Variants in PVALB observed in about 807,000 individuals in gnomAD.
PVALB encodes parvalbumin, also known as parvalbumin alpha.
A neutral mutation model predicts 10.9 loss-of-function variants in PVALB; 11 were observed. That is an observed-to-expected ratio of 1.01 (90% CI 0.63 to 1.67). The LOEUF is 1.67. Ranked by LOEUF, PVALB falls within the 40% of genes most tolerant of loss-of-function variation. The pLI is 0.00. For synonymous variants in PVALB, 57 were observed against 50.7 expected (o/e 1.12, Z -0.53); for missense variants, 131 against 136.2 (o/e 0.96, Z 0.19).
chr22:36,818,308 AC>A, upstream of PVALB: 1 of 152,420 alleles, frequency 6.6e-6, no homozygotes, highest in Non-Finnish European at 1.5e-5. Context: ...GGTGGTGGGG[AC>A]CAGGGAGAGC....
intron 3 of PVALB, among the ~76,000 whole-genome samples, chr22:36,802,229 T>G (rs542839746): frequency 6.6e-6 from 1 of 152,140 alleles, no homozygotes; most frequent in Non-Finnish European, 1.5e-5. Flanking sequence ...TTCTTCTGTA[T>G]ATCTACAATT....
intron 3 of PVALB, among the ~76,000 whole-genome samples, chr22:36,808,828 T>G (rs1283095509): frequency 6.6e-6 from 1 of 152,218 alleles, no homozygotes; most frequent in African/African-American, 2.4e-5. Flanking sequence ...ACAAAGATTT[T>G]TTTTTGGCAC....
intron 3 of PVALB, among the ~76,000 whole-genome samples, chr22:36,802,700 T>G (rs1297419717): frequency 1.3e-5 from 2 of 151,958 alleles, no homozygotes; most frequent in African/African-American, 4.8e-5. Context: ...TCCTGAGGTT[T>G]GACTTAGGAA....
At chr22:36,818,388 C>T (rs989909370), upstream of PVALB, 3 of 152,334 alleles carry the variant, frequency 2.0e-5, no homozygotes, top group Non-Finnish European at 2.9e-5. Flanking sequence ...GCAGCTCAGC[C>T]CTGGATGGCT....
At chr22:36,815,300 G>C in intron 1 of PVALB, 65 bp from the exon 2 acceptor site, 1 of 1,594,572 alleles carries the variant, frequency 6.3e-7, no homozygotes, top group South Asian at 1.1e-5. Context: ...TGGGAGAATG[G>C]GGGGCATCAA....
intron 2 of PVALB, 22 bp from the exon 3 acceptor site, chr22:36,813,777 G>T: frequency 6.3e-7 from 1 of 1,582,032 alleles, no homozygotes; most frequent in Non-Finnish European, 8.7e-7. Context: ...AAGGGAGAAA[G>T]CCGGTGAGGG....
intron 3 of PVALB, among the ~76,000 whole-genome samples, chr22:36,812,774 A>G (rs937214045): frequency 1.8e-4 from 27 of 152,354 alleles, no homozygotes; most frequent in African/African-American, 6.0e-4. Context: ...GCAAACACTC[A>G]TTCAGGCCTG....
intron 3 of PVALB, among the ~76,000 whole-genome samples, chr22:36,808,215 A>G (rs990491010): frequency 2.6e-5 from 4 of 152,226 alleles, no homozygotes; most frequent in Admixed American, 1.3e-4. Flanking sequence ...TGTATCAGTA[A>G]CAAAAATATC....
chr22:36,814,894 G>C (rs1448651044), intron 2 of PVALB, among the ~76,000 whole-genome samples: 2 of 152,150 alleles, frequency 1.3e-5, no homozygotes, highest in Non-Finnish European at 2.9e-5. Context: ...TGCACTTTCA[G>C]CTGAGGGTTT....
chr22:36,814,386 G>C (rs1401813688), intron 2 of PVALB, among the ~76,000 whole-genome samples: 2 of 152,040 alleles, frequency 1.3e-5, no homozygotes, highest in Non-Finnish European at 2.9e-5. Context: ...AGATGGTTTA[G>C]GGGAGAGACA....
intron 3 of PVALB, among the ~76,000 whole-genome samples, chr22:36,811,146 C>T (rs543927405): frequency 7.2e-5 from 11 of 152,128 alleles, no homozygotes; most frequent in East Asian, 1.9e-4. Flanking sequence ...GATGGTGGTG[C>T]GTGCCTGTAA....
chr22:36,813,032 C>G (rs1213915197), intron 3 of PVALB, among the ~76,000 whole-genome samples: 1 of 152,210 alleles, frequency 6.6e-6, no homozygotes, highest in Non-Finnish European at 1.5e-5. Context: ...GCCAGGTATT[C>G]CCTGTCTGAA....
intron 3 of PVALB, among the ~76,000 whole-genome samples, chr22:36,812,193 T>C (rs929382681): frequency 1.3e-5 from 2 of 152,136 alleles, no homozygotes; most frequent in African/African-American, 4.8e-5. Flanking sequence ...GGAACGTAGG[T>C]GTGCAGAGGT....
In PVALB at chr22:36,813,774, A is replaced by G; in HGVS notation, c.195-19T>C. 1 of 1,591,116 alleles carries G rather than the reference A, an allele frequency of 6.3e-7. No individual in the cohort carries two copies. Among genetic ancestry groups the G allele is most frequent in the Non-Finnish European group, 8.6e-7 (1 of 1,159,228 alleles). Reference sequence around the variant, plus strand: ...GATGAATCTGGAGGAGAAAAGGGAGAAAGCCGGTGAGGGAGTCAGGCCGAG... The same window carrying G: ...GATGAATCTGGAGGAGAAAAGGGAGGAAGCCGGTGAGGGAGTCAGGCCGAG... On this transcript the variant is annotated intron_variant, in intron 2 of 3. Coordinates refer to ENST00000417718, the MANE Select transcript of PVALB (RefSeq NM_001315532.2).
intron 2 of PVALB, among the ~76,000 whole-genome samples, chr22:36,814,497 T>C (rs1939104088): frequency 6.6e-6 from 1 of 151,742 alleles, no homozygotes; most frequent in Non-Finnish European, 1.5e-5. Context: ...GAAAGTGACA[T>C]AAGGCAACCT....
intron 3 of PVALB, among the ~76,000 whole-genome samples, chr22:36,807,212 G>A (rs1207821900): frequency 6.6e-6 from 1 of 152,188 alleles, no homozygotes; most frequent in Non-Finnish European, 1.5e-5. Flanking sequence ...GGGTCCCGTT[G>A]GGCCAAGGAC....
chr22:36,813,597 A>G, intron 3 of PVALB, 49 bp downstream of exon 3: 1 of 1,484,496 alleles, frequency 6.7e-7, no homozygotes, highest in East Asian at 2.3e-5. Context: ...TTCGCATCCA[A>G]CACCCCAAGA....
intron 3 of PVALB, among the ~76,000 whole-genome samples, chr22:36,801,784 A>G (rs1037867670): frequency 2.0e-5 from 3 of 152,158 alleles, no homozygotes; most frequent in Non-Finnish European, 4.4e-5. Flanking sequence ...TGGGCAATAG[A>G]GTCAGACTCT....
chr22:36,814,525 C>T (rs751380370), intron 2 of PVALB, among the ~76,000 whole-genome samples: 7 of 152,020 alleles, frequency 4.6e-5, no homozygotes, highest in Admixed American at 6.5e-5. Flanking sequence ...TAGACATGGC[C>T]GGGTGGCTGA....
Sources: gnomAD v4.1 joint callset for allele counts (sites outside exome capture counted in the v4.1 genomes callset) on GRCh38, gnomAD v4.1.1 for gene constraint, MANE v1.5 for transcripts, NCBI Gene and HGNC (gene_info 2026-07-23, HGNC 2026-07-21) for gene names.